Variants in FRYL observed in about 807,000 individuals in gnomAD.
FRYL encodes protein furry homolog-like.
Under a neutral mutation model 351.2 loss-of-function variants are expected in FRYL, and 150 were observed. The observed-to-expected ratio is 0.43, with a 90% confidence interval of 0.37 to 0.49. FRYL has a LOEUF of 0.49. Ranked by LOEUF, FRYL falls within the 20% of genes least tolerant of loss-of-function variation. The pLI, the probability that FRYL is intolerant of heterozygous loss-of-function variation, is 0.00. For missense variants in FRYL, 3,036 were observed against 3,619.3 expected, an observed-to-expected ratio of 0.84 and a Z score of 4.13; for synonymous variants, 1,153 against 1,257.1, an observed-to-expected ratio of 0.92 and a Z score of 1.75.
At chr4:48,729,696 A>G (rs1770508392) in intron 1 of FRYL, among the ~76,000 whole-genome samples, 1 of 152,180 alleles carries the variant, frequency 6.6e-6, no homozygotes, top group Non-Finnish European at 1.5e-5. Context: ...GAGCATCAAC[A>G]TCAACAAAAA....
rs1766223095 is a variant in FRYL at position 48,696,846 on chromosome 4, ATC to A, written c.-203-12053_-203-12052del. On this transcript the variant is annotated intron_variant, in intron 2 of 63. Coordinates refer to ENST00000358350, the MANE Select transcript of FRYL (RefSeq NM_015030.2). ...TATAAAAGAAAAATAACGATAAGAG[ATC>A]TATCTATCTATCTATCTATCTATCT... is the stretch of plus-strand genomic sequence containing the variant. Among the ~76,000 whole-genome samples the A allele has an allele frequency of 1.9e-3, 49 of 26,312 alleles. No individual in the cohort carries two copies. The East Asian group carries it at 0.04, about 21-fold the overall frequency. The allele number at this position is 26,312 out of a possible 152,430, so 17.3% of individuals were successfully genotyped here. A position where few individuals can be genotyped will look rare whatever the true frequency, so the allele number is the denominator to read the frequency against.
At position 48,528,221 on chromosome 4, in the gene FRYL, G is replaced by T. The variant is rs201653865; in HGVS notation, c.7019C>A (p.Ser2340Tyr). The change falls in exon 51 of 64, where the codon TCT (serine) becomes TAT (tyrosine). Residue 2340 changes from serine (S) to tyrosine (Y), a missense_variant. Ser to Tyr is a moderately radical substitution (Grantham distance 144). Coordinates refer to ENST00000358350, the MANE Select transcript of FRYL (RefSeq NM_015030.2). ...CCAACTAACAGGAACCAAGGCATTA[G>T]AATTAGAACCAGAAGAAGTTGAGGA... ...STSSTSSGSN[S>Y]NALVPVSWKR... is the part of the protein sequence containing the mutation. 1.8e-3 allele frequency: 2,868 copies of T among 1,613,280 alleles called. 7 individuals are homozygous for T. Among genetic ancestry groups the T allele is most frequent in the Non-Finnish European group, 2.2e-3 (2,606 of 1,179,444 alleles).
chr4:48,547,622 G>C lies in FRYL; in HGVS notation c.5036C>G (p.Thr1679Arg). Residue 1679 changes from threonine (T) to arginine (R), a missense_variant, in exon 41 of 64, where the codon ACA becomes AGA. Thr to Arg is a moderately conservative substitution (Grantham distance 71, BLOSUM62 -1). Coordinates refer to ENST00000358350, the MANE Select transcript of FRYL (RefSeq NM_015030.2). Reference protein sequence around the residue: ...NKEFNEPRVLTVKQVAHLDYN... With the variant: ...NKEFNEPRVLRVKQVAHLDYN... Reference sequence around the variant, plus strand: ...ATCTAAGTGTGCAACTTGTTTGACTGTAAGCACCCTGGGCTCATTAAACTC... The same window carrying C: ...ATCTAAGTGTGCAACTTGTTTGACTCTAAGCACCCTGGGCTCATTAAACTC... 2 of 1,588,704 alleles carry C rather than the reference G, an allele frequency of 1.3e-6. No homozygotes were observed. The highest frequency in any genetic ancestry group is 8.6e-7 in the Non-Finnish European group (1 of 1,163,542).
intron 47 of FRYL, among the ~76,000 whole-genome samples, chr4:48,537,270 C>T (rs1729090151): frequency 6.6e-6 from 1 of 151,852 alleles, no homozygotes; most frequent in Non-Finnish European, 1.5e-5. Context: ...GGAGAAAATT[C>T]CTTGGAATAT....
chr4:48,510,664 C>G (rs1352861487), intron 58 of FRYL, among the ~76,000 whole-genome samples, 171 bp downstream of exon 58: 1 of 152,104 alleles, frequency 6.6e-6, no homozygotes, highest in Non-Finnish European at 1.5e-5. Flanking sequence ...CAGAAATAGT[C>G]ACAAGTTGCT....
At position 48,544,006 on chromosome 4, in the gene FRYL, G is replaced by T. The variant is rs954621974; in HGVS notation, c.5402-9C>A. Reference sequence around the variant, plus strand: ...TTCCAGATGAATTCCTTCTGTGAATGCAAAGGAAACGAGTAGGTTGTTCTT... The same window carrying T: ...TTCCAGATGAATTCCTTCTGTGAATTCAAAGGAAACGAGTAGGTTGTTCTT... On this transcript the variant is annotated splice_polypyrimidine_tract_variant and intron_variant, in intron 43 of 63. Coordinates refer to ENST00000358350, the MANE Select transcript of FRYL (RefSeq NM_015030.2). 2 of 1,611,662 alleles carry T rather than the reference G, an allele frequency of 1.2e-6. No homozygotes were observed. The highest frequency in any genetic ancestry group is 1.7e-6 in the Non-Finnish European group (2 of 1,178,192).
chr4:48,682,460 T>G (rs1392030767), intron 3 of FRYL, among the ~76,000 whole-genome samples: 2 of 152,092 alleles, frequency 1.3e-5, no homozygotes, highest in Non-Finnish European at 2.9e-5. Flanking sequence ...CCAAAGAAAC[T>G]ATCATCAGAG....
intron 3 of FRYL, among the ~76,000 whole-genome samples, chr4:48,658,950 G>T (rs1371219976): frequency 1.3e-5 from 2 of 151,930 alleles, no homozygotes; most frequent in Non-Finnish European, 2.9e-5. Flanking sequence ...CTATAGCATT[G>T]ACTAACTTCT....
intron 1 of FRYL, among the ~76,000 whole-genome samples, chr4:48,719,156 C>G (rs1262491259): frequency 6.6e-6 from 1 of 151,588 alleles, no homozygotes; most frequent in African/African-American, 2.4e-5. Flanking sequence ...CTACAGAAAA[C>G]AGTTCAGGAA....
Position 48,749,975 on chromosome 4 carries a change from A to T in FRYL, c.-384+30103T>A, listed in dbSNP as rs561746497. On this transcript the variant is annotated intron_variant, in intron 1 of 63. Coordinates refer to ENST00000358350, the MANE Select transcript of FRYL (RefSeq NM_015030.2). ...TAGTGATGCCCTGTCTTTATAAAAA[A>T]TTTTTAAAATTAGCCAGGCATGGTA... Among the ~76,000 whole-genome samples, 29 of 152,162 alleles carry T rather than the reference A, an allele frequency of 1.9e-4. No individual in the cohort carries two copies. The South Asian group carries it at 4.2e-3, about 22-fold the overall frequency.
chr4:48,642,783 T>C (rs1755595627), intron 3 of FRYL, among the ~76,000 whole-genome samples: 1 of 152,116 alleles, frequency 6.6e-6, no homozygotes, highest in Non-Finnish European at 1.5e-5. Flanking sequence ...TTGGTAATCT[T>C]TGGGAGCTCA....
intron 30 of FRYL, 27 bp downstream of exon 30, chr4:48,564,906 A>C: frequency 8.1e-7 from 1 of 1,232,720 alleles, no homozygotes; most frequent in Non-Finnish European, 1.2e-6. Context: ...ACTTATTATG[A>C]ACCTTTAAGG....
chr4:48,708,915 T>TTTTTTGG (rs1553866669), intron 2 of FRYL, among the ~76,000 whole-genome samples: 1 of 138,920 alleles, frequency 7.2e-6, no homozygotes, highest in Non-Finnish European at 1.5e-5. Context: ...CGTGTGTTTT[T>TTTTTTGG]TTTTTTGTTT....
Position 48,510,062 on chromosome 4 carries a change from C to T in FRYL, c.8391G>A (p.Glu2797=), listed in dbSNP as rs1479534115. 6.2e-7 allele frequency: 1 copy of T among 1,608,298 alleles called. No individual in the cohort carries two copies. The highest frequency in any genetic ancestry group is 8.5e-7 in the Non-Finnish European group (1 of 1,174,816). The part of the protein sequence containing the change: ...DTYNVKREAA[E]QWLDDCKRTF... ...CACATGGTAAAAAGAGACTGACCTGCTCAGCGGCTTCTCTTTTCACATTGT... is the reference window on the plus strand; with the variant it reads ...CACATGGTAAAAAGAGACTGACCTGTTCAGCGGCTTCTCTTTTCACATTGT... Residue 2797 remains glutamate (E), a synonymous_variant, in exon 59 of 64, where the codon GAG becomes GAA. Transcript: ENST00000358350.
At chr4:48,637,648 CTAA>C in intron 3 of FRYL, 1 of 152,060 alleles carries the variant, frequency 6.6e-6, no homozygotes, top group African/African-American at 2.4e-5. Flanking sequence ...ACTCTAACTG[CTAA>C]TAATAAGAAT....
At position 48,551,501 on chromosome 4, in the gene FRYL, C is replaced by T. The variant is rs558661622; in HGVS notation, c.4513G>A (p.Glu1505Lys). The T allele has an allele frequency of 1.3e-6, 2 of 1,599,132 alleles. No individual in the cohort carries two copies. Among genetic ancestry groups the T allele is most frequent in the Admixed American group, 3.3e-5 (2 of 59,868 alleles). Residue 1505 changes from glutamate to lysine, a missense_variant, in exon 37 of 64, where the codon GAA becomes AAA. Transcript: ENST00000358350. ...PDNKPIKENIEESYVHLDIYS... is the reference protein window; with the variant it reads ...PDNKPIKENIKESYVHLDIYS... ...GAACAGAGAAGTACTTACCTCTCTT[C>T]AATATTCTCTTTAATGGGCTTATTA...
chr4:48,667,404 TCA>T (rs1560823821), intron 3 of FRYL, among the ~76,000 whole-genome samples: 2 of 150,580 alleles, frequency 1.3e-5, no homozygotes, highest in Non-Finnish European at 3.0e-5. Context: ...CCAAAAACAG[TCA>T]CACAGAATCA....
Position 48,567,267 on chromosome 4 carries a change from A to G in FRYL, c.3150T>C (p.Asn1050=). 2 of 1,609,906 alleles carry G rather than the reference A, an allele frequency of 1.2e-6. No individual in the cohort carries two copies. Among genetic ancestry groups the G allele is most frequent in the Non-Finnish European group, 1.7e-6 (2 of 1,178,734 alleles). ...TAATACCTGGAACATTCTGAATAATATTCGCCACTAAGGCACTAAAATGGC... is the reference window on the plus strand; with the variant it reads ...TAATACCTGGAACATTCTGAATAATGTTCGCCACTAAGGCACTAAAATGGC... ...IRCHFSALVA[N]IIQNVPVHQR... is the part of the protein sequence containing the mutation. The change falls in exon 28 of 64, where the codon AAT becomes AAC. Residue 1050 remains asparagine (N), a synonymous_variant. Transcript: ENST00000358350. The surrounding 1 kb of genome is among the most constrained non-coding windows in gnomAD (Gnocchi z 4.2).
chr4:48,518,733 G>A (rs989814137), intron 55 of FRYL, among the ~76,000 whole-genome samples: 2 of 152,208 alleles, frequency 1.3e-5, no homozygotes, highest in Middle Eastern at 3.4e-3. Flanking sequence ...ATCTTCAAGG[G>A]GTGGGCTGGT....
Sources: allele counts gnomAD v4.1 joint callset (sites outside exome capture counted in the v4.1 genomes callset), GRCh38; gene constraint gnomAD v4.1.1; non-coding constraint Gnocchi (gnomAD v3.1); transcripts MANE v1.5; gene names NCBI Gene and HGNC (gene_info 2026-07-23, HGNC 2026-07-21).